Variants in ZFHX3 observed in about 807,000 individuals in gnomAD.
ZFHX3 encodes the protein zinc finger homeobox protein 3.
Under a neutral mutation model 279.1 loss-of-function variants are expected in ZFHX3, and 42 were observed. That is an observed-to-expected ratio of 0.15 (90% confidence interval 0.12 to 0.19). The LOEUF (loss-of-function observed/expected upper bound fraction) is 0.19, where lower values mean the gene tolerates loss of function less well. ZFHX3 is among the 10% of genes least tolerant of loss of function. The pLI is 1.00. For synonymous variants in ZFHX3, 2,293 were observed against 1,957.8 expected (o/e 1.17, Z -4.52); for missense variants, 4,981 against 4,754.0 (o/e 1.05, Z -1.40).
At chr16:73,046,571 G>A (rs922770207) in intron 1 of ZFHX3, among the ~76,000 whole-genome samples, 9 of 152,082 alleles carry the variant, frequency 5.9e-5, no homozygotes, top group Non-Finnish European at 1.2e-4. Context: ...ATTCAGGAAT[G>A]AGGGAACTCG....
Position 73,546,734 on chromosome 16 carries a change from CTGT to C in ZFHX3, c.-1546-90479_-1546-90477del, listed in dbSNP as rs1277785981. 6.4e-5 allele frequency among the ~76,000 whole-genome samples: 8 copies of C among 124,378 alleles called. No homozygotes were observed. The South Asian group carries it at 9.8e-4, about 15-fold the overall frequency. The allele number at this position is 124,378 out of a possible 152,430, so 81.6% of individuals were successfully genotyped here. ...GCTGCTGCTGCTGCTGCTGCTGCTG[CTGT>C]TGCTTCTTTTTCGGCTTCTTCTTCT... is the stretch of plus-strand genomic sequence containing the variant. On this transcript the variant is annotated intron_variant, in intron 2 of 17. Coordinates refer to the ZFHX3 transcript ENST00000641206.
chr16:73,464,153 T>A (rs2143586756), intron 2 of ZFHX3, among the ~76,000 whole-genome samples: 1 of 151,192 alleles, frequency 6.6e-6, no homozygotes, highest in Middle Eastern at 3.4e-3. Flanking sequence ...TTGTAAACAG[T>A]CCTGAAGAAT....
At chr16:73,042,186 G>A (rs1965143229) in intron 1 of ZFHX3, among the ~76,000 whole-genome samples, 2 of 152,270 alleles carry the variant, frequency 1.3e-5, no homozygotes. Context: ...GCACTTATAT[G>A]ACTTTTTCAG....
At chr16:73,870,190 A>G (rs915468279) in intron 1 of ZFHX3, among the ~76,000 whole-genome samples, 1 of 152,182 alleles carries the variant, frequency 6.6e-6, no homozygotes, top group Non-Finnish European at 1.5e-5. Flanking sequence ...CAATTTACAT[A>G]CAATCAAGGT....
At chr16:73,714,204 G>C (rs1179388931) in intron 1 of ZFHX3, among the ~76,000 whole-genome samples, 1 of 152,076 alleles carries the variant, frequency 6.6e-6, no homozygotes. Flanking sequence ...ATTTTCATAC[G>C]CTATTCAGAT....
intron 7 of ZFHX3, chr16:73,093,657 G>A (rs73591151): frequency 0.046 from 21,149 of 461,114 alleles, 913 homozygotes; most frequent in African/African-American, 0.15. Context: ...ACAGAATACA[G>A]TTCGCCATTA....
intron 2 of ZFHX3, among the ~76,000 whole-genome samples, chr16:73,528,559 G>A (rs1238753369): frequency 1.3e-5 from 2 of 152,218 alleles, no homozygotes; most frequent in Non-Finnish European, 2.9e-5. Flanking sequence ...AAGTAGCATG[G>A]GATAAGCAAT....
chr16:73,010,291 G>C (rs1963870592), intron 1 of ZFHX3, among the ~76,000 whole-genome samples: 1 of 152,166 alleles, frequency 6.6e-6, no homozygotes, highest in East Asian at 1.9e-4. Context: ...GTGCCAAATG[G>C]AGTTCAAGAC....
intron 4 of ZFHX3, among the ~76,000 whole-genome samples, chr16:72,883,709 C>T (rs576742268): frequency 3.9e-5 from 6 of 152,364 alleles, no homozygotes; most frequent in Non-Finnish European, 8.8e-5. Flanking sequence ...CCTGTCCAAA[C>T]AGTCCTTCAT....
chr16:73,435,020 T>C (rs1427611377), intron 3 of ZFHX3, among the ~76,000 whole-genome samples: 2 of 152,106 alleles, frequency 1.3e-5, no homozygotes, highest in Non-Finnish European at 2.9e-5. Context: ...ATCAGTGATA[T>C]TATGATGTTA....
chr16:73,554,066 T>C lies in ZFHX3; in HGVS notation c.-1546-97808A>G, dbSNP rs1335857939. On this transcript the variant is annotated intron_variant, in intron 2 of 17. Transcript: ENST00000641206. The stretch of plus-strand genomic sequence containing the variant: ...TGCAGGCAACAGGGAGTTAAGTAAA[T>C]AAATTTTTTCTTTTCTTCGTCAATG... Among the ~76,000 whole-genome samples, 4 of 152,242 alleles carry C rather than the reference T, an allele frequency of 2.6e-5. No homozygotes were observed. The South Asian group carries it at 8.3e-4, about 32-fold the overall frequency.
chr16:73,178,159 T>C (rs1967708300), intron 5 of ZFHX3, among the ~76,000 whole-genome samples: 1 of 151,196 alleles, frequency 6.6e-6, no homozygotes. Context: ...GACTTTTTCT[T>C]TTTTTTTTGA....
chr16:73,890,936 G>C (rs2142424931), intron 1 of ZFHX3, among the ~76,000 whole-genome samples: 1 of 151,786 alleles, frequency 6.6e-6, no homozygotes, highest in Non-Finnish European at 1.5e-5. Flanking sequence ...TCAATCAACT[G>C]TGTGGTGCAG....
chr16:73,408,068 G>A (rs543333810), intron 3 of ZFHX3, among the ~76,000 whole-genome samples: 1 of 151,916 alleles, frequency 6.6e-6, no homozygotes, highest in East Asian at 1.9e-4. Flanking sequence ...GATGGGGGTG[G>A]GTGGGGGAAG....
chr16:72,931,332 A>C (rs1476744012), intron 3 of ZFHX3, among the ~76,000 whole-genome samples: 1 of 151,152 alleles, frequency 6.6e-6, no homozygotes, highest in African/African-American at 2.4e-5. Flanking sequence ...CAAATCAAGA[A>C]GGGAGGCATT....
chr16:73,806,071 A>C (rs557254253), intron 1 of ZFHX3, among the ~76,000 whole-genome samples: 1 of 152,372 alleles, frequency 6.6e-6, no homozygotes, highest in Admixed American at 6.5e-5. Flanking sequence ...GGCAGGAGAC[A>C]GAATGGGTGA....
intron 3 of ZFHX3, among the ~76,000 whole-genome samples, chr16:73,319,521 T>C (rs2015529183): frequency 6.6e-6 from 1 of 151,700 alleles, no homozygotes; most frequent in South Asian, 2.1e-4. Flanking sequence ...AGGAGAGTCA[T>C]GGAGTCCCGC....
intron 2 of ZFHX3, among the ~76,000 whole-genome samples, chr16:73,630,639 G>C (rs1313781859): frequency 6.6e-6 from 1 of 152,164 alleles, no homozygotes; most frequent in Admixed American, 6.5e-5. Flanking sequence ...TTTTAAAGTT[G>C]TATTTCCACC....
chr16:73,863,339 G>A (rs1961930899), intron 1 of ZFHX3, among the ~76,000 whole-genome samples: 1 of 152,176 alleles, frequency 6.6e-6, no homozygotes, highest in African/African-American at 2.4e-5. Context: ...GCCCCAGAAG[G>A]TGGACCCAGA....
Sources: gnomAD v4.1 joint callset for allele counts (sites outside exome capture counted in the v4.1 genomes callset) on GRCh38, gnomAD v4.1.1 for gene constraint, MANE v1.5 for transcripts, NCBI Gene and HGNC (gene_info 2026-07-23, HGNC 2026-07-21) for gene names.